Variants in COL21A1 observed in about 807,000 individuals in gnomAD.
COL21A1 encodes the protein collagen type XXI alpha 1 chain.
A neutral mutation model predicts 137.9 loss-of-function variants in COL21A1; 149 were observed. The ratio of observed to expected loss-of-function variants is 1.08; its 90% CI spans 0.95 to 1.24. The LOEUF (loss-of-function observed/expected upper bound fraction) is 1.24, where lower values mean the gene tolerates loss of function less well. Ranked by LOEUF, COL21A1 falls within the 50% of genes most tolerant of loss-of-function variation. The probability of loss-of-function intolerance (pLI) is 0.00; values close to 1 mark genes in which losing one functional copy is unlikely to be tolerated. For missense variants in COL21A1, 1,167 were observed against 1,158.4 expected (o/e 1.01, Z -0.11); for synonymous variants, 456 against 391.5 (o/e 1.16, Z -1.95).
Position 56,077,566 on chromosome 6 carries a change from G to T in COL21A1, c.1820C>A (p.Pro607Gln). The T allele has an allele frequency of 6.4e-7, 1 of 1,568,602 alleles. No homozygotes were observed. Among genetic ancestry groups the T allele is most frequent in the Non-Finnish European group, 8.7e-7 (1 of 1,154,302 alleles). The change falls in exon 18 of 30, where the codon CCA becomes CAA. Residue 607 changes from proline to glutamine, a missense_variant. Pro to Gln is a moderately conservative substitution (Grantham distance 76, BLOSUM62 -1). Coordinates refer to ENST00000244728, the MANE Select transcript of COL21A1 (RefSeq NM_030820.4). Reference sequence around the variant, plus strand: ...TAATCCTCGGTTTCCAGGAAATCCTGGGATTCCCTAAAAACAAATAAAATA... The same window carrying T: ...TAATCCTCGGTTTCCAGGAAATCCTTGGATTCCCTAAAAACAAATAAAATA... ...QDGTRGEPGI[P>Q]GFPGNRGLMG...
Position 56,070,872 on chromosome 6 carries a change from G to T in COL21A1, c.1966-74C>A, listed in dbSNP as rs1766683048. 8 of 1,072,886 alleles carry T rather than the reference G, an allele frequency of 7.5e-6. No individual in the cohort carries two copies. The East Asian group carries it at 2.1e-4, about 29-fold the overall frequency. 66.5% of individuals were successfully genotyped at this position (1,072,886 alleles called of 1,614,324 possible). The stretch of plus-strand genomic sequence containing the variant: ...TAATATATCTGATATAGACACTTAA[G>T]GGAATATATGTAAAATAACTTTTAC... On this transcript the variant is annotated intron_variant, in intron 20 of 29. Coordinates refer to ENST00000244728, the MANE Select transcript of COL21A1 (RefSeq NM_030820.4).
chr6:56,238,430 T>TAAAAAA (rs548005509), intron 1 of COL21A1, among the ~76,000 whole-genome samples: 18 of 91,512 alleles, frequency 2.0e-4, no homozygotes, highest in African/African-American at 6.9e-4. Flanking sequence ...GCAGTCTTCT[T>TAAAAAA]AAAAAAAAAA....
chr6:56,360,973 T>C (rs769919765), intron 1 of COL21A1, among the ~76,000 whole-genome samples: 91 of 152,218 alleles, frequency 6.0e-4, no homozygotes, highest in Non-Finnish European at 1.1e-3. Context: ...TGGTGACGCG[T>C]GCCTGTAATC....
intron 1 of COL21A1, chr6:56,332,165 T>C (rs1415375113): frequency 6.6e-6 from 1 of 152,084 alleles, no homozygotes; most frequent in Non-Finnish European, 1.5e-5. Context: ...TCTTTTTTTC[T>C]AATTCTGTGA....
intron 1 of COL21A1, among the ~76,000 whole-genome samples, chr6:56,332,760 G>T (rs1023498664): frequency 6.6e-6 from 1 of 151,652 alleles, no homozygotes; most frequent in Non-Finnish European, 1.5e-5. Context: ...TTGCTTTTGT[G>T]TGATTTGTTT....
intron 1 of COL21A1, among the ~76,000 whole-genome samples, chr6:56,310,411 G>A (rs1764581821): frequency 1.3e-5 from 2 of 152,150 alleles, no homozygotes; most frequent in African/African-American, 4.8e-5. Flanking sequence ...ATCTCTAGGA[G>A]AAGAGTTTGA....
chr6:56,195,945 G>A (rs1052095906), intron 1 of COL21A1, among the ~76,000 whole-genome samples: 4 of 152,008 alleles, frequency 2.6e-5, no homozygotes, highest in African/African-American at 9.7e-5. Context: ...CACAGGCCCT[G>A]ATGAACATGG....
At chr6:56,234,575 G>A (rs1034315980) in intron 1 of COL21A1, among the ~76,000 whole-genome samples, 2 of 151,512 alleles carry the variant, frequency 1.3e-5, no homozygotes, top group Non-Finnish European at 2.9e-5. Context: ...AAAAGGCAAC[G>A]TTTTCCCTAA....
At chr6:56,237,761 A>C (rs1562013794) in intron 1 of COL21A1, among the ~76,000 whole-genome samples, 2 of 152,142 alleles carry the variant, frequency 1.3e-5, no homozygotes, top group South Asian at 4.1e-4. Context: ...ACATACATAA[A>C]TGGCTCTAAC....
At chr6:56,267,466 G>C (rs1029287047) in intron 1 of COL21A1, among the ~76,000 whole-genome samples, 3 of 152,134 alleles carry the variant, frequency 2.0e-5, no homozygotes, top group Non-Finnish European at 2.9e-5. Flanking sequence ...GTTTAGAAGA[G>C]AGCCTCCTGG....
intron 16 of COL21A1, among the ~76,000 whole-genome samples, chr6:56,116,851 G>A (rs941454665): frequency 6.6e-6 from 1 of 151,960 alleles, no homozygotes. Context: ...CTTTTTGCTT[G>A]TTTGTTTGTT....
chr6:56,170,627 G>A, intron 5 of COL21A1, 22 bp downstream of exon 5: 1 of 1,497,750 alleles, frequency 6.7e-7, no homozygotes, highest in Non-Finnish European at 9.2e-7. Flanking sequence ...CATAATCATG[G>A]TATTATCCCA....
intron 1 of COL21A1, among the ~76,000 whole-genome samples, chr6:56,281,887 A>G (rs560850291): frequency 3.9e-5 from 6 of 152,356 alleles, no homozygotes; most frequent in African/African-American, 1.4e-4. Flanking sequence ...GTGTCATAAG[A>G]AAGATATAGA....
intron 1 of COL21A1, among the ~76,000 whole-genome samples, chr6:56,190,406 C>A (rs1582600747): frequency 6.6e-6 from 1 of 152,222 alleles, no homozygotes; most frequent in East Asian, 1.9e-4. Flanking sequence ...AGTTGAATCC[C>A]CGAATAGAGC....
chr6:56,077,698 A>G, intron 17 of COL21A1, 125 bp from the exon 18 acceptor site: 1 of 582,852 alleles, frequency 1.7e-6, no homozygotes, highest in East Asian at 3.0e-5. Flanking sequence ...ACATATTATA[A>G]TATTGCTATT....
intron 1 of COL21A1, chr6:56,231,248 C>A (rs1438246709): frequency 6.6e-6 from 1 of 151,826 alleles, no homozygotes; most frequent in African/African-American, 2.4e-5. Context: ...TCAAAAATAA[C>A]TTGGTGTGCG....
chr6:56,375,771 G>C (rs1476590237), intron 1 of COL21A1, among the ~76,000 whole-genome samples: 3 of 152,148 alleles, frequency 2.0e-5, no homozygotes, highest in Admixed American at 1.3e-4. Context: ...ATGTGGCTTG[G>C]GGTGGGTGTG....
intron 1 of COL21A1, among the ~76,000 whole-genome samples, chr6:56,377,239 T>A (rs1186427455): frequency 1.3e-5 from 2 of 151,928 alleles, no homozygotes; most frequent in African/African-American, 4.8e-5. Flanking sequence ...TCCACCCACC[T>A]CGGCCTCCCA....
At chr6:56,376,843 C>A (rs9382625) in intron 1 of COL21A1, among the ~76,000 whole-genome samples, 2 of 118,638 alleles carry the variant, frequency 1.7e-5, no homozygotes, top group East Asian at 2.6e-4. Context: ...CCCACCCCCC[C>A]CAAACAAGGA....
Sources: gnomAD v4.1 joint callset for allele counts (sites outside exome capture counted in the v4.1 genomes callset) on GRCh38, gnomAD v4.1.1 for gene constraint, MANE v1.5 for transcripts, NCBI Gene and HGNC (gene_info 2026-07-23, HGNC 2026-07-21) for gene names.